Variants in SPOP observed in about 807,000 individuals in gnomAD.
SPOP encodes speckle-type POZ protein.
SPOP carries 11 observed loss-of-function variants against 45.6 expected under a neutral mutation model. That is an observed-to-expected ratio of 0.24 (90% confidence interval 0.15 to 0.40). The LOEUF (loss-of-function observed/expected upper bound fraction) is 0.40. Among genes scored for constraint, SPOP ranks in the 10% least tolerant of loss-of-function variants. The pLI is 1.00. For synonymous variants in SPOP, 166 were observed against 166.3 expected, an observed-to-expected ratio of 1.00 and a Z score of 0.01; for missense variants, 152 against 465.6, an observed-to-expected ratio of 0.33 and a Z score of 6.20.
chr17:49,677,790 G>A (rs1358122720), intron 1 of SPOP, 143 bp downstream of exon 1: 2 of 388,168 alleles, frequency 5.2e-6, no homozygotes, highest in Non-Finnish European at 4.5e-6. Context: ...ACGTAATCCG[G>A]GTGTAGGAAA....
chr17:49,621,238 T>C (rs751386505), intron 3 of SPOP, among the ~76,000 whole-genome samples: 2 of 152,180 alleles, frequency 1.3e-5, no homozygotes, highest in Non-Finnish European at 2.9e-5. Context: ...GGCCACACAG[T>C]TCAGAGAAAG....
intron 1 of SPOP, among the ~76,000 whole-genome samples, chr17:49,665,343 A>G (rs528485432): frequency 6.6e-6 from 1 of 152,134 alleles, no homozygotes; most frequent in Non-Finnish European, 1.5e-5. Context: ...GGCCCGGCGC[A>G]GTGGCACACA....
chr17:49,607,474 A>G (rs2071874844), intron 7 of SPOP, 102 bp from the exon 8 acceptor site: 3 of 1,420,900 alleles, frequency 2.1e-6, no homozygotes, highest in Non-Finnish European at 9.3e-7. Context: ...AGAACTTTGT[A>G]TCATTTAAAA....
Position 49,622,846 on chromosome 17 carries a change from A to C in SPOP, c.-36T>G, listed in dbSNP as rs1211239574. ...AAGGTTAAACGAGATTTCCAAAGTC[A>C]GGGGGCAAAGATTTCTGTTCCCTCT... On this transcript the variant is annotated 5_prime_UTR_variant, in exon 2 of 10. Coordinates refer to ENST00000504102, the MANE Select transcript of SPOP (RefSeq NM_001007228.2). 3 of 1,566,530 alleles carry C rather than the reference A, an allele frequency of 1.9e-6. No individual in the cohort carries two copies. The highest frequency in any genetic ancestry group is 2.6e-6 in the Non-Finnish European group (3 of 1,136,836).
chr17:49,653,625 A>G (rs1349429454), intron 1 of SPOP, among the ~76,000 whole-genome samples: 3 of 151,756 alleles, frequency 2.0e-5, no homozygotes, highest in Admixed American at 6.6e-5. Flanking sequence ...CCTCCAAAAT[A>G]TATCAATATG....
intron 1 of SPOP, among the ~76,000 whole-genome samples, chr17:49,671,996 C>T (rs953274186): frequency 4.6e-5 from 7 of 152,056 alleles, no homozygotes; most frequent in Admixed American, 3.3e-4. Context: ...AAAAATTAGC[C>T]GAGCGTTGTG....
In SPOP at chr17:49,621,105, A is replaced by T. The variant is rs866992217; in HGVS notation, c.200+841T>A. Reference sequence around the variant, plus strand: ...TTGTATCCTCAACTGCCTGCTCCTCAGGCAAGATGACACATAGTCTGAATG... The same window carrying T: ...TTGTATCCTCAACTGCCTGCTCCTCTGGCAAGATGACACATAGTCTGAATG... On this transcript the variant is annotated intron_variant, in intron 3 of 9. Coordinates refer to ENST00000504102, the MANE Select transcript of SPOP (RefSeq NM_001007228.2). Among the ~76,000 whole-genome samples, 38 of 152,316 alleles carry T rather than the reference A, an allele frequency of 2.5e-4. 1 individual carries two copies. The highest frequency in any genetic ancestry group is 8.8e-5 in the Non-Finnish European group (6 of 68,036).
chr17:49,625,146 C>T (rs966159004), intron 1 of SPOP, among the ~76,000 whole-genome samples: 5 of 152,124 alleles, frequency 3.3e-5, no homozygotes, highest in Admixed American at 6.6e-5. Context: ...TTGAGAACTG[C>T]TGTCCTAGAG....
chr17:49,649,403 G>A (rs1443772551), intron 1 of SPOP, among the ~76,000 whole-genome samples: 1 of 151,870 alleles, frequency 6.6e-6, no homozygotes, highest in Non-Finnish European at 1.5e-5. Flanking sequence ...TGGGCGTGGC[G>A]GCGCATGCCT....
chr17:49,669,593 C>T (rs761981744), intron 1 of SPOP, among the ~76,000 whole-genome samples: 3 of 148,916 alleles, frequency 2.0e-5, no homozygotes, highest in African/African-American at 7.4e-5. Flanking sequence ...GGTGAAATCC[C>T]GTCTCTACTA....
rs908939996 is a variant in SPOP at position 49,619,897 on chromosome 17, C to T, written c.201-512G>A. Among the ~76,000 whole-genome samples, 9 of 152,074 alleles carry T rather than the reference C, an allele frequency of 5.9e-5. No homozygotes were observed. Among genetic ancestry groups the T allele is most frequent in the African/African-American group, 2.2e-4 (9 of 41,420 alleles). On this transcript the variant is annotated intron_variant, in intron 3 of 9. Coordinates refer to ENST00000504102, the MANE Select transcript of SPOP (RefSeq NM_001007228.2). This position sits in a 1 kb window ranked among gnomAD's most constrained non-coding sequence, Gnocchi z 4.9. The stretch of plus-strand genomic sequence containing the variant: ...CAACAGGCTGGGTGCGGTGGCTCAC[C>T]CCTGTAATCTCAGCACTTTGGGAGG...
intron 5 of SPOP, among the ~76,000 whole-genome samples, chr17:49,615,913 A>G (rs958138667): frequency 1.4e-5 from 2 of 141,000 alleles, no homozygotes; most frequent in Non-Finnish European, 3.3e-5. Context: ...GAAATGAAGA[A>G]AACAGAACTA....
rs2072160671 is a variant in SPOP at position 49,619,178 on chromosome 17, T to A, written c.352+56A>T. Reference sequence around the variant, plus strand: ...CCAGATCAAAGCCACAACTTGTCAGTGTATGAAACTTCTGGATGTGAAACT... The same window carrying A: ...CCAGATCAAAGCCACAACTTGTCAGAGTATGAAACTTCTGGATGTGAAACT... On this transcript the variant is annotated intron_variant, in intron 4 of 9. Transcript: ENST00000504102. This position sits in a 1 kb window ranked among gnomAD's most constrained non-coding sequence, Gnocchi z 4.9. 1.2e-6 allele frequency: 2 copies of A among 1,613,788 alleles called. No individual in the cohort carries two copies. Among genetic ancestry groups the A allele is most frequent in the Non-Finnish European group, 1.7e-6 (2 of 1,179,900 alleles).
rs533682611 is a variant in SPOP at position 49,622,218 on chromosome 17, A to G, written c.79-151T>C. On this transcript the variant is annotated intron_variant, in intron 2 of 9. Coordinates refer to ENST00000504102, the MANE Select transcript of SPOP (RefSeq NM_001007228.2). ...AGGTTTTTCTCACCTTATGTTCCTC[A>G]TCCACATTTTAAGAAATCTCACACT... The G allele has an allele frequency of 8.9e-5, 87 of 975,152 alleles. 1 individual carries two copies. In the South Asian group the frequency reaches 1.2e-3, roughly 13 times the overall value. 60.4% of individuals were successfully genotyped at this position (975,152 alleles called of 1,614,324 possible). A position where few individuals can be genotyped will look rare whatever the true frequency, so the allele number is the denominator to read the frequency against.
chr17:49,602,923 T>C (rs574619938), intron 8 of SPOP, among the ~76,000 whole-genome samples: 1 of 152,314 alleles, frequency 6.6e-6, no homozygotes, highest in Admixed American at 6.5e-5. Context: ...ATGAACTTAC[T>C]AGGAACTTGA....
At chr17:49,660,482 C>T (rs2072972775) in intron 1 of SPOP, among the ~76,000 whole-genome samples, 2 of 152,216 alleles carry the variant, frequency 1.3e-5, no homozygotes, top group East Asian at 3.9e-4. Flanking sequence ...TCCAATAAAC[C>T]ATATATTTTA....
At chr17:49,612,050 T>C (rs984393735) in intron 5 of SPOP, among the ~76,000 whole-genome samples, 7 of 152,110 alleles carry the variant, frequency 4.6e-5, no homozygotes, top group Admixed American at 2.6e-4. Context: ...ATCTGACTAA[T>C]TTTTTATTTG....
chr17:49,649,760 A>C (rs1265032686), intron 1 of SPOP, among the ~76,000 whole-genome samples: 1 of 147,356 alleles, frequency 6.8e-6, no homozygotes, highest in East Asian at 2.1e-4. Flanking sequence ...ACCCGGGAGG[A>C]GGAGCTTGCA....
chr17:49,599,152 T>C lies in SPOP; in HGVS notation c.*1226A>G, dbSNP rs1245567520. On this transcript the variant is annotated 3_prime_UTR_variant, in exon 10 of 10. Transcript: ENST00000504102. ...AGATTACGGAGTCTCAACAAATCCC[T>C]GCGACTCATTAGGCATTTCAGACAT... 9.3e-6 allele frequency: 2 copies of C among 214,776 alleles called. No homozygotes were observed. The highest frequency in any genetic ancestry group is 1.9e-5 in the Non-Finnish European group (2 of 106,248). The allele number at this position is 214,776 out of a possible 1,614,324, so 13.3% of individuals were successfully genotyped here.
Sources: allele counts gnomAD v4.1 joint callset (sites outside exome capture counted in the v4.1 genomes callset), GRCh38; gene constraint gnomAD v4.1.1; non-coding constraint Gnocchi (gnomAD v3.1); transcripts MANE v1.5; gene names NCBI Gene and HGNC (gene_info 2026-07-23, HGNC 2026-07-21).